NQO2: variants seen among roughly 807,000 people sequenced by gnomAD.
The protein encoded by NQO2 is N-ribosyldihydronicotinamide:quinone dehydrogenase 2, also known as ribosyldihydronicotinamide dehydrogenase [quinone].
NQO2 carries 18 observed loss-of-function variants against 22.0 expected under a neutral mutation model. That is an observed-to-expected ratio of 0.82 (90% CI 0.56 to 1.21). The LOEUF (loss-of-function observed/expected upper bound fraction) is 1.21. Among genes scored for constraint, NQO2 ranks in the 50% most tolerant of loss-of-function variants. The pLI is 0.00. For synonymous variants in NQO2, 106 were observed against 110.8 expected (o/e 0.96, Z 0.28); for missense variants, 267 against 286.9 (o/e 0.93, Z 0.50).
At chr6:3,005,593 T>G in intron 1 of NQO2, 2 of 956,964 alleles carry the variant, frequency 2.1e-6, no homozygotes, top group Non-Finnish European at 2.5e-6. Flanking sequence ...GTTGTTTGCT[T>G]TGTTGTTGTT....
Position 3,016,937 on chromosome 6 carries a change from G to C in NQO2, c.471G>C (p.Thr157=), listed in dbSNP as rs146283071. Residue 157 remains threonine (T), a synonymous_variant, in exon 6 of 7, where the codon ACG becomes ACC. Coordinates refer to ENST00000380455, the MANE Select transcript of NQO2 (RefSeq NM_000904.6). ...VTTGGTAEMY[T]KTGVNGDSRY... ...CGGGAGGCACGGCCGAGATGTACAC[G>C]AAGACAGGAGTCAATGGAGATTCTC... 274 of 1,614,066 alleles carry C rather than the reference G, an allele frequency of 1.7e-4. 2 individuals carry two copies. The East Asian group carries it at 5.5e-3, about 32-fold the overall frequency.
chr6:3,017,065 C>T (rs1327471032), intron 6 of NQO2, 80 bp downstream of exon 6: 1 of 1,487,006 alleles, frequency 6.7e-7, no homozygotes, highest in Non-Finnish European at 9.1e-7. Flanking sequence ...CATACACACA[C>T]ACACGCACAC....
intron 4 of NQO2, among the ~76,000 whole-genome samples, chr6:3,013,028 T>TCACTGCAA (rs1757199055): frequency 7.5e-6 from 1 of 133,086 alleles, no homozygotes. Flanking sequence ...GGATCTCGGC[T>TCACTGCAA]CACTGCAAGC....
chr6:3,017,289 C>T (rs1329155914), intron 6 of NQO2, among the ~76,000 whole-genome samples: 1 of 152,210 alleles, frequency 6.6e-6, no homozygotes, highest in African/African-American at 2.4e-5. Flanking sequence ...GCCAAACCTG[C>T]TTAGCTTGGT....
intron 5 of NQO2, among the ~76,000 whole-genome samples, chr6:3,016,178 C>G (rs1309473432): frequency 1.3e-5 from 2 of 152,180 alleles, no homozygotes; most frequent in Non-Finnish European, 2.9e-5. Context: ...CGCCTGTAAT[C>G]CCAGCAATTT....
intron 1 of NQO2, among the ~76,000 whole-genome samples, chr6:3,001,386 A>G (rs899942928): frequency 1.3e-5 from 2 of 152,162 alleles, no homozygotes; most frequent in Admixed American, 6.5e-5. Flanking sequence ...GCGCCCGGCC[A>G]AAAATCAGCT....
At chr6:3,003,639 T>C in intron 1 of NQO2, 1 of 663,850 alleles carries the variant, frequency 1.5e-6, no homozygotes, top group Non-Finnish European at 1.9e-6. Flanking sequence ...TTCATAAACT[T>C]TCTTTTTCCT....
At position 3,006,844 on chromosome 6, in the gene NQO2, G is replaced by C. The variant is rs938011585; in HGVS notation, c.7+285G>C. 1 of 448,502 alleles carries C rather than the reference G, an allele frequency of 2.2e-6. No individual in the cohort carries two copies. Among genetic ancestry groups the C allele is most frequent in the Admixed American group, 4.1e-5 (1 of 24,498 alleles). 27.8% of individuals were successfully genotyped at this position (448,502 alleles called of 1,614,324 possible). On this transcript the variant is annotated intron_variant, in intron 2 of 6. Transcript: ENST00000380455. This position sits in a 1 kb window ranked among gnomAD's most constrained non-coding sequence, Gnocchi z 4.0. Reference sequence around the variant, plus strand: ...TTAGGTTCCTCAAAAGTGGGGCCCTGCCTATCCTGTCTTTGCTGTGCCTCC... The same window carrying C: ...TTAGGTTCCTCAAAAGTGGGGCCCTCCCTATCCTGTCTTTGCTGTGCCTCC...
At chr6:3,004,836 C>T (rs1756885711) in intron 1 of NQO2, among the ~76,000 whole-genome samples, 1 of 152,186 alleles carries the variant, frequency 6.6e-6, no homozygotes, top group Admixed American at 6.5e-5. Context: ...GAACATCTCA[C>T]ATAAAATTGA....
At chr6:3,005,907 C>T in intron 1 of NQO2, 2 of 683,676 alleles carry the variant, frequency 2.9e-6, no homozygotes, top group Non-Finnish European at 3.6e-6. Context: ...GGAAATTGCA[C>T]CAAGTCTGTC....
rs746923868 is a variant in NQO2, at chr6:3,006,498, A to G, written c.-55A>G. 1.9e-6 allele frequency: 3 copies of G among 1,612,518 alleles called. No individual in the cohort carries two copies. Among genetic ancestry groups the G allele is most frequent in the Admixed American group, 1.7e-5 (1 of 59,842 alleles). ...TGGACTCGCTGAAGAGAGACTACGCAGGAAAGCCCCAGCCACCCATCAAAT... is the reference window on the plus strand; with the variant it reads ...TGGACTCGCTGAAGAGAGACTACGCGGGAAAGCCCCAGCCACCCATCAAAT... On this transcript the variant is annotated 5_prime_UTR_variant, in exon 2 of 7. Coordinates refer to ENST00000380455, the MANE Select transcript of NQO2 (RefSeq NM_000904.6). The surrounding 1 kb of genome is among the most constrained non-coding windows in gnomAD (Gnocchi z 4.0).
chr6:3,016,815 C>T (rs1287953953), intron 5 of NQO2, 69 bp from the exon 6 acceptor site: 3 of 1,582,786 alleles, frequency 1.9e-6, no homozygotes, highest in Non-Finnish European at 2.6e-6. Context: ...AGCCCGTGTG[C>T]TGGAGGCTCA....
intron 2 of NQO2, among the ~76,000 whole-genome samples, chr6:3,009,479 G>T (rs917196414): frequency 6.6e-6 from 1 of 152,212 alleles, no homozygotes; most frequent in Non-Finnish European, 1.5e-5. Flanking sequence ...ATCCTCCTCA[G>T]CTTATGAAGA....
chr6:3,009,046 C>T (rs928192677), intron 2 of NQO2, among the ~76,000 whole-genome samples: 1 of 152,190 alleles, frequency 6.6e-6, no homozygotes, highest in Non-Finnish European at 1.5e-5. Flanking sequence ...TGAGAGCAGA[C>T]AACCGATCTG....
In NQO2 at chr6:3,002,700, A is replaced by G. The variant is rs916388134; in HGVS notation, c.-86+2615A>G. Among the ~76,000 whole-genome samples the G allele has an allele frequency of 4.6e-5, 7 of 151,574 alleles. No homozygotes were observed. The East Asian group carries it at 1.4e-3, about 29-fold the overall frequency. On this transcript the variant is annotated intron_variant, in intron 1 of 6. Transcript: ENST00000380455. ...CCTCACCCCTACCCTAGGAGGGGTC[A>G]GGTCAGACCCCTCCCACCTCCCTGA...
Position 3,012,615 on chromosome 6 carries a change from G to A in NQO2, c.244G>A (p.Ala82Thr), listed in dbSNP as rs1757174165. Residue 82 changes from alanine (A) to threonine (T), a missense_variant, in exon 4 of 7, where the codon GCT (alanine) becomes ACT (threonine). Coordinates refer to ENST00000380455, the MANE Select transcript of NQO2 (RefSeq NM_000904.6). ...CGAAGCCTACAAGCAAAGGTCTCTG[G>A]CTAGCGACATCACTGATGAGCAGAA... The part of the protein sequence containing the change: ...THEAYKQRSL[A>T]SDITDEQKKV... 1.9e-6 allele frequency: 3 copies of A among 1,614,110 alleles called. No individual in the cohort carries two copies. Among genetic ancestry groups the A allele is most frequent in the Non-Finnish European group, 2.5e-6 (3 of 1,180,028 alleles).
In NQO2 at chr6:3,012,739, T is replaced by C. The variant is rs528983498; in HGVS notation, c.303+65T>C. The stretch of plus-strand genomic sequence containing the variant: ...CTTATGTACAAACTCTTTCTGAATA[T>C]TGAGTTTTGTGCTGCTTCTGGAAGT... On this transcript the variant is annotated intron_variant, in intron 4 of 6. Coordinates refer to ENST00000380455, the MANE Select transcript of NQO2 (RefSeq NM_000904.6). 30 of 1,515,092 alleles carry C rather than the reference T, an allele frequency of 2.0e-5. No homozygotes were observed. In the South Asian group the frequency reaches 2.2e-4, roughly 11 times the overall value. The allele number at this position is 1,515,092 out of a possible 1,614,324, so 93.9% of individuals were successfully genotyped here. A position where few individuals can be genotyped will look rare whatever the true frequency, so the allele number is the denominator to read the frequency against.
In NQO2 at chr6:3,006,416, C is replaced by G; in HGVS notation, c.-85-52C>G. On this transcript the variant is annotated intron_variant, in intron 1 of 6. Transcript: ENST00000380455. The surrounding 1 kb of genome is among the most constrained non-coding windows in gnomAD (Gnocchi z 4.0). ...CAGTGATGCCTAGATGTGGTACATTCGACCTCACCTATGCCTCTCCCCACC... is the reference window on the plus strand; with the variant it reads ...CAGTGATGCCTAGATGTGGTACATTGGACCTCACCTATGCCTCTCCCCACC... 1 of 1,508,334 alleles carries G rather than the reference C, an allele frequency of 6.6e-7. No homozygotes were observed. Among genetic ancestry groups the G allele is most frequent in the Non-Finnish European group, 8.8e-7 (1 of 1,131,816 alleles). The allele number at this position is 1,508,334 out of a possible 1,614,324, so 93.4% of individuals were successfully genotyped here. A position where few individuals can be genotyped will look rare whatever the true frequency, so the allele number is the denominator to read the frequency against.
chr6:3,013,731 A>G (rs1185336883), intron 4 of NQO2, among the ~76,000 whole-genome samples: 1 of 152,196 alleles, frequency 6.6e-6, no homozygotes, highest in Non-Finnish European at 1.5e-5. Context: ...ATGTGCAGGC[A>G]TGGCTGTGGC....
Sources: gnomAD v4.1 joint callset for allele counts (sites outside exome capture counted in the v4.1 genomes callset) on GRCh38, gnomAD v4.1.1 for gene constraint, Gnocchi (gnomAD v3.1) non-coding constraint, MANE v1.5 for transcripts, NCBI Gene and HGNC (gene_info 2026-07-23, HGNC 2026-07-21) for gene names.